TULP4: variants seen among roughly 807,000 people sequenced by gnomAD.
TULP4 encodes the protein tubby-related protein 4.
In TULP4, 16 loss-of-function variants were observed where a neutral mutation model predicts 129.0. The ratio of observed to expected loss-of-function variants is 0.12; its 90% CI spans 0.08 to 0.19. The LOEUF (loss-of-function observed/expected upper bound fraction) is 0.19. Among genes scored for constraint, TULP4 ranks in the 10% least tolerant of loss-of-function variants. TULP4 has a pLI of 1.00. For missense variants in TULP4, 1,842 were observed against 2,059.1 expected (o/e 0.89, Z 2.04); for synonymous variants, 998 against 854.0 (o/e 1.17, Z -2.94).
chr6:158,248,705 G>A (rs1030468607), intron 1 of TULP4, among the ~76,000 whole-genome samples: 7 of 151,938 alleles, frequency 4.6e-5, no homozygotes, highest in African/African-American at 1.2e-4. Context: ...TTGTGCCACC[G>A]CACTCTAGCC....
intron 2 of TULP4, among the ~76,000 whole-genome samples, chr6:158,423,606 CTTG>C (rs1212099598): frequency 1.6e-5 from 2 of 123,902 alleles, no homozygotes; most frequent in Admixed American, 8.0e-5. Context: ...TTAATTTAAA[CTTG>C]TTTGTTGTTA....
chr6:158,439,102 C>T (rs1018636794), intron 3 of TULP4, among the ~76,000 whole-genome samples: 25 of 151,614 alleles, frequency 1.6e-4, no homozygotes, highest in African/African-American at 4.9e-4. Context: ...ACCCAGGAGG[C>T]GGAAGTTGCA....
chr6:158,442,796 T>C (rs539737425), intron 3 of TULP4, among the ~76,000 whole-genome samples: 3 of 148,324 alleles, frequency 2.0e-5, no homozygotes, highest in South Asian at 2.3e-4. Context: ...GTTCTGGAGA[T>C]ACTCCAATTA....
At chr6:158,244,438 C>T (rs747759302) in intron 1 of TULP4, among the ~76,000 whole-genome samples, 24 of 152,084 alleles carry the variant, frequency 1.6e-4, no homozygotes, top group Admixed American at 9.8e-4. Flanking sequence ...ATGTTGAAGC[C>T]CTAAGTCCCA....
intron 1 of TULP4, among the ~76,000 whole-genome samples, chr6:158,404,380 A>G (rs1420841479): frequency 2.0e-5 from 3 of 152,210 alleles, no homozygotes; most frequent in African/African-American, 7.2e-5. Flanking sequence ...ATGTTAGGCC[A>G]GGGATCTCTT....
intron 3 of TULP4, among the ~76,000 whole-genome samples, chr6:158,443,621 G>A (rs1367766417): frequency 6.6e-6 from 1 of 152,112 alleles, no homozygotes; most frequent in African/African-American, 2.4e-5. Context: ...TTTAGACATA[G>A]GAGAGTCTCT....
intron 5 of TULP4, among the ~76,000 whole-genome samples, chr6:158,459,583 C>G (rs1779375991): frequency 6.6e-6 from 1 of 151,118 alleles, no homozygotes; most frequent in Admixed American, 6.6e-5. Flanking sequence ...CATAGGTCAG[C>G]TCTGCAGGGG....
chr6:158,234,302 G>C (rs1278089470), intron 1 of TULP4, among the ~76,000 whole-genome samples: 1 of 151,374 alleles, frequency 6.6e-6, no homozygotes, highest in Non-Finnish European at 1.5e-5. Flanking sequence ...GTTTTAAATG[G>C]AATCATCCAA....
intron 10 of TULP4, among the ~76,000 whole-genome samples, chr6:158,494,499 A>G (rs1355511749): frequency 1.3e-5 from 2 of 152,134 alleles, no homozygotes; most frequent in East Asian, 3.9e-4. Context: ...TCTTTAAATC[A>G]CACACCTGTG....
chr6:158,493,093 T>C lies in TULP4; in HGVS notation c.1632-480T>C, dbSNP rs570555238. On this transcript the variant is annotated intron_variant, in intron 9 of 13. Transcript: ENST00000367097. The surrounding 1 kb of genome is among the most constrained non-coding windows in gnomAD (Gnocchi z 4.4). Reference sequence around the variant, plus strand: ...GTGCAGGCCCCTGGCAGAAGGCCATTTCCACGCTTGCTCCAAGGCAACAGA... The same window carrying C: ...GTGCAGGCCCCTGGCAGAAGGCCATCTCCACGCTTGCTCCAAGGCAACAGA... Among the ~76,000 whole-genome samples the C allele has an allele frequency of 1.3e-5, 2 of 152,356 alleles. No individual in the cohort carries two copies. Among genetic ancestry groups the C allele is most frequent in the East Asian group, 3.9e-4 (2 of 5,186 alleles).
At position 158,447,837 on chromosome 6, in the gene TULP4, G is replaced by A. The variant is rs373269496; in HGVS notation, c.544-1159G>A. Among the ~76,000 whole-genome samples the A allele has an allele frequency of 2.6e-5, 4 of 152,234 alleles. No individual in the cohort carries two copies. The East Asian group carries it at 7.7e-4, about 29-fold the overall frequency. On this transcript the variant is annotated intron_variant, in intron 3 of 13. Coordinates refer to ENST00000367097, the MANE Select transcript of TULP4 (RefSeq NM_020245.5). The stretch of plus-strand genomic sequence containing the variant: ...CCTCTCTTAAGTTGCTCGTGTGTTT[G>A]TAAATTGGAGATAACTTGCATGATT...
intron 3 of TULP4, among the ~76,000 whole-genome samples, chr6:158,438,431 C>T (rs1352385639): frequency 4.6e-5 from 7 of 152,180 alleles, no homozygotes; most frequent in East Asian, 3.9e-4. Context: ...TCTGGAGGAG[C>T]GCACCTGCAG....
At position 158,509,545 on chromosome 6, in the gene TULP4, G is replaced by T. The variant is rs1011644264; in HGVS notation, c.*2851G>T. ...AGAGCAAATATAGGGGAAAATCTTTGAAATGAAAGCTACAAATACATGTGA... is the reference window on the plus strand; with the variant it reads ...AGAGCAAATATAGGGGAAAATCTTTTAAATGAAAGCTACAAATACATGTGA... On this transcript the variant is annotated 3_prime_UTR_variant, in exon 14 of 14. Transcript: ENST00000367097. 1.3e-5 allele frequency: 2 copies of T among 152,132 alleles called. No individual in the cohort carries two copies. The highest frequency in any genetic ancestry group is 1.5e-5 in the Non-Finnish European group (1 of 68,026). 9.4% of individuals were successfully genotyped at this position (152,132 alleles called of 1,614,324 possible). A position where few individuals can be genotyped will look rare whatever the true frequency, so the allele number is the denominator to read the frequency against.
Position 158,494,805 on chromosome 6 carries a change from T to C in TULP4, c.1829T>C (p.Ile610Thr). Residue 610 changes from isoleucine to threonine, a missense_variant, in exon 11 of 14, where the codon ATT becomes ACT. By Grantham distance (89) the Ile-to-Thr change is moderately conservative. Coordinates refer to ENST00000367097, the MANE Select transcript of TULP4 (RefSeq NM_020245.5). ...TSNIWGTKFK[I>T]VGLAAFLPTN... Reference sequence around the variant, plus strand: ...AATATCTGGGGAACCAAATTTAAGATTGTGGGCTTGGCTGCTTTCCTGCCA... The same window carrying C: ...AATATCTGGGGAACCAAATTTAAGACTGTGGGCTTGGCTGCTTTCCTGCCA... The C allele has an allele frequency of 6.2e-7, 1 of 1,614,160 alleles. No homozygotes were observed. The highest frequency in any genetic ancestry group is 1.1e-5 in the South Asian group (1 of 91,064).
intron 1 of TULP4, among the ~76,000 whole-genome samples, chr6:158,256,903 T>C (rs1218501063): frequency 6.6e-6 from 1 of 152,026 alleles, no homozygotes; most frequent in African/African-American, 2.4e-5. Flanking sequence ...GAGGGATTGG[T>C]GTTTCAGGTG....
intron 8 of TULP4, among the ~76,000 whole-genome samples, chr6:158,483,918 C>T (rs1330907095): frequency 6.8e-6 from 1 of 146,606 alleles, no homozygotes; most frequent in Non-Finnish European, 1.5e-5. Flanking sequence ...CCATGAGTCC[C>T]AGTAGTTTTT....
In TULP4 at chr6:158,370,801, G is replaced by T. The variant is rs144108988; in HGVS notation, c.253-42264G>T. On this transcript the variant is annotated intron_variant, in intron 1 of 13. Transcript: ENST00000367097. ...CTAGATTGTTGGGGCAAATTGTGCA[G>T]AGGTGACAAAATGTGGGTGGAGTCA... 5.3e-4 allele frequency among the ~76,000 whole-genome samples: 81 copies of T among 152,346 alleles called. 1 individual carries two copies. Among genetic ancestry groups the T allele is most frequent in the African/African-American group, 1.8e-3 (75 of 41,572 alleles).
rs77428090 is a variant in TULP4, at chr6:158,285,299, C to A, written n.116+2921C>A. ...TAACAAATAATATGTTGTTTATTAA[C>A]AATAAACAACATATTATTTGTTTAT... On this transcript the variant is annotated intron_variant and non_coding_transcript_variant, in intron 1 of 1. Coordinates refer to the TULP4 transcript ENST00000432358. Among the ~76,000 whole-genome samples the A allele has an allele frequency of 2.0e-5, 3 of 151,976 alleles. No homozygotes were observed. In the East Asian group the frequency reaches 5.8e-4, roughly 29 times the overall value.
rs1463977503 is a variant in TULP4, at chr6:158,470,288, A to G, written c.1026+8559A>G. On this transcript the variant is annotated intron_variant, in intron 6 of 13. Coordinates refer to ENST00000367097, the MANE Select transcript of TULP4 (RefSeq NM_020245.5). ...GGACAGCGAGCGAAAGCTCAGCTTG[A>G]GCCTTAACAAACATGGACCAGAAGA... is the stretch of plus-strand genomic sequence containing the variant. 2.0e-5 allele frequency among the ~76,000 whole-genome samples: 3 copies of G among 152,248 alleles called. No individual in the cohort carries two copies. In the South Asian group the frequency reaches 6.2e-4, roughly 31 times the overall value.
Sources: gnomAD v4.1 joint callset for allele counts (sites outside exome capture counted in the v4.1 genomes callset) on GRCh38, gnomAD v4.1.1 for gene constraint, Gnocchi (gnomAD v3.1) non-coding constraint, MANE v1.5 for transcripts, NCBI Gene and HGNC (gene_info 2026-07-23, HGNC 2026-07-21) for gene names.